Variants in CDH13 observed in about 807,000 individuals in gnomAD.
The protein encoded by CDH13 is cadherin 13, also known as cadherin-13.
CDH13 carries 24 observed loss-of-function variants against 63.8 expected under a neutral mutation model. That is an observed-to-expected ratio of 0.38 (90% confidence interval 0.27 to 0.53). CDH13 has a LOEUF of 0.53. Among genes scored for constraint, CDH13 ranks in the 20% least tolerant of loss-of-function variants. The probability of loss-of-function intolerance (pLI) is 0.85; values close to 1 mark genes in which losing one functional copy is unlikely to be tolerated. For synonymous variants in CDH13, 503 were observed against 355.3 expected (o/e 1.42, Z -4.67); for missense variants, 1,049 against 903.1 (o/e 1.16, Z -2.07).
At chr16:83,703,971 T>C (rs1392457274) in intron 10 of CDH13, among the ~76,000 whole-genome samples, 1 of 152,228 alleles carries the variant, frequency 6.6e-6, no homozygotes, top group African/African-American at 2.4e-5. Context: ...ATTGCACTTT[T>C]TTATATATGG....
chr16:83,327,335 T>A (rs1265459519), intron 5 of CDH13, among the ~76,000 whole-genome samples: 1 of 152,184 alleles, frequency 6.6e-6, no homozygotes, highest in Non-Finnish European at 1.5e-5. Flanking sequence ...CAGACAGGCT[T>A]TTGCTGAATC....
intron 10 of CDH13, among the ~76,000 whole-genome samples, chr16:83,730,678 C>G (rs1444966303): frequency 6.6e-6 from 1 of 151,928 alleles, no homozygotes; most frequent in African/African-American, 2.4e-5. Context: ...TTTTTTTGAG[C>G]TTTTAGATTC....
chr16:83,172,760 C>T (rs2037976155), intron 4 of CDH13, among the ~76,000 whole-genome samples: 1 of 151,982 alleles, frequency 6.6e-6, no homozygotes. Flanking sequence ...TAACAAACAA[C>T]ATAGTAGATA....
intron 7 of CDH13, among the ~76,000 whole-genome samples, chr16:83,498,933 C>T (rs543413285): frequency 1.3e-5 from 2 of 152,178 alleles, no homozygotes; most frequent in East Asian, 3.9e-4. Context: ...AGAACAGACT[C>T]TCTCCTGCCC....
At chr16:82,862,882 A>G (rs1024031677) in intron 2 of CDH13, among the ~76,000 whole-genome samples, 1 of 152,198 alleles carries the variant, frequency 6.6e-6, no homozygotes, top group Non-Finnish European at 1.5e-5. Flanking sequence ...GCTACTTCCA[A>G]CTTGGTCCTA....
chr16:82,820,767 A>T (rs1460682906), intron 1 of CDH13, among the ~76,000 whole-genome samples: 1 of 152,206 alleles, frequency 6.6e-6, no homozygotes, highest in East Asian at 1.9e-4. Flanking sequence ...ATTCTTTATT[A>T]AGGATTATAC....
chr16:83,417,209 C>G (rs947723852), intron 6 of CDH13, among the ~76,000 whole-genome samples: 1 of 152,108 alleles, frequency 6.6e-6, no homozygotes. Context: ...GGCAGTCTGA[C>G]TTCAGATCCA....
intron 5 of CDH13, among the ~76,000 whole-genome samples, chr16:83,226,935 T>G (rs1368697553): frequency 6.6e-6 from 1 of 152,116 alleles, no homozygotes; most frequent in Non-Finnish European, 1.5e-5. Context: ...TTATTTTTAT[T>G]TGGTAAAAAT....
intron 2 of CDH13, among the ~76,000 whole-genome samples, chr16:83,006,041 C>T (rs1411175306): frequency 6.6e-6 from 1 of 152,100 alleles, no homozygotes; most frequent in South Asian, 2.1e-4. Context: ...TCAGATTCAC[C>T]ATTACATTTC....
chr16:82,639,606 T>G (rs1909139752), intron 1 of CDH13: 2 of 635,514 alleles, frequency 3.1e-6, no homozygotes, highest in Non-Finnish European at 5.6e-6. Context: ...ACAAGAAATA[T>G]ACAGTCTGTA....
At chr16:83,603,212 G>T (rs1045322183) in intron 8 of CDH13, among the ~76,000 whole-genome samples, 1 of 152,218 alleles carries the variant, frequency 6.6e-6, no homozygotes, top group Non-Finnish European at 1.5e-5. Flanking sequence ...AAACCAGGAA[G>T]CCATTTGCAC....
chr16:82,639,869 T>C (rs985554638), intron 1 of CDH13, among the ~76,000 whole-genome samples: 5 of 152,224 alleles, frequency 3.3e-5, no homozygotes, highest in Non-Finnish European at 5.9e-5. Flanking sequence ...CTCTCTCCCT[T>C]GACAGGGTCC....
intron 5 of CDH13, among the ~76,000 whole-genome samples, chr16:83,335,965 C>T (rs1036425772): frequency 3.3e-5 from 5 of 151,970 alleles, no homozygotes; most frequent in Non-Finnish European, 7.4e-5. Flanking sequence ...GGACTTTTGT[C>T]TGCGGCTTGT....
At chr16:82,847,418 C>G (rs2039307862) in intron 1 of CDH13, among the ~76,000 whole-genome samples, 1 of 152,188 alleles carries the variant, frequency 6.6e-6, no homozygotes. Context: ...CATTCCTTGA[C>G]TCCTGGCCCC....
chr16:83,327,377 C>T (rs577074011), intron 5 of CDH13, among the ~76,000 whole-genome samples: 50 of 152,316 alleles, frequency 3.3e-4, no homozygotes, highest in African/African-American at 1.2e-3. Flanking sequence ...TGGGTTCATT[C>T]ACCTTCAGGG....
intron 3 of CDH13, among the ~76,000 whole-genome samples, chr16:83,078,763 C>A (rs2033028615): frequency 1.3e-5 from 2 of 152,100 alleles, no homozygotes; most frequent in South Asian, 4.1e-4. Context: ...AAGTGTTTAG[C>A]CTCCAGTTTT....
intron 10 of CDH13, among the ~76,000 whole-genome samples, chr16:83,746,520 A>T (rs775935471): frequency 1.3e-5 from 2 of 152,200 alleles, no homozygotes; most frequent in African/African-American, 4.8e-5. Context: ...TAGGAGGTAG[A>T]TATCTTTTTC....
At chr16:82,634,791 C>T (rs1245523624) in intron 1 of CDH13, among the ~76,000 whole-genome samples, 6 of 152,182 alleles carry the variant, frequency 3.9e-5, no homozygotes, top group East Asian at 1.9e-4. Context: ...GAAGTTCAGC[C>T]GTTGGGGACT....
chr16:83,685,184 C>T (rs1417571991), intron 10 of CDH13, among the ~76,000 whole-genome samples: 1 of 152,122 alleles, frequency 6.6e-6, no homozygotes, highest in East Asian at 1.9e-4. Flanking sequence ...AGGGCCATAC[C>T]TAGCTGCAAG....
Sources: gnomAD v4.1 joint callset for allele counts (sites outside exome capture counted in the v4.1 genomes callset) on GRCh38, gnomAD v4.1.1 for gene constraint, MANE v1.5 for transcripts, NCBI Gene and HGNC (gene_info 2026-07-23, HGNC 2026-07-21) for gene names.